PLVAP: variants seen among roughly 807,000 people sequenced by gnomAD.
PLVAP encodes the protein plasmalemma vesicle associated protein.
PLVAP carries 34 observed loss-of-function variants against 43.1 expected under a neutral mutation model. That is an observed-to-expected ratio of 0.79 (90% confidence interval 0.60 to 1.05). PLVAP has a LOEUF of 1.05. PLVAP is among the 50% of genes least tolerant of loss of function. PLVAP has a pLI of 0.00. For missense variants in PLVAP, 574 were observed against 593.4 expected (o/e 0.97, Z 0.34); for synonymous variants, 241 against 237.3 (o/e 1.02, Z -0.14).
At chr19:17,368,367 C>T (rs1412189638) in intron 1 of PLVAP, among the ~76,000 whole-genome samples, 1 of 149,250 alleles carries the variant, frequency 6.7e-6, no homozygotes, top group East Asian at 2.0e-4. Context: ...CCACCGCACT[C>T]GGCCGAACTA....
At chr19:17,367,067 C>T (rs990345481) in intron 1 of PLVAP, among the ~76,000 whole-genome samples, 2 of 151,304 alleles carry the variant, frequency 1.3e-5, no homozygotes, top group East Asian at 1.9e-4. Flanking sequence ...ATCAGTCTCC[C>T]GAGGAGCTAG....
chr19:17,353,295 T>C (rs912681638), intron 5 of PLVAP, among the ~76,000 whole-genome samples: 1 of 152,182 alleles, frequency 6.6e-6, no homozygotes, highest in Non-Finnish European at 1.5e-5. Flanking sequence ...CAAGGCTCCA[T>C]CTTTGCTTGA....
At chr19:17,364,735 C>T (rs1253218672) in intron 3 of PLVAP, among the ~76,000 whole-genome samples, 1 of 151,400 alleles carries the variant, frequency 6.6e-6, no homozygotes, top group African/African-American at 2.4e-5. Flanking sequence ...AACCCTAGAC[C>T]CGATATCCAC....
intron 3 of PLVAP, among the ~76,000 whole-genome samples, chr19:17,361,348 A>T (rs2074527751): frequency 6.6e-6 from 1 of 152,150 alleles, no homozygotes; most frequent in South Asian, 2.1e-4. Flanking sequence ...AGACTTGGGG[A>T]CACCACAAGA....
intron 3 of PLVAP, among the ~76,000 whole-genome samples, chr19:17,363,227 G>A (rs756424787): frequency 6.6e-5 from 10 of 151,888 alleles, no homozygotes; most frequent in Non-Finnish European, 1.0e-4. Flanking sequence ...GCAGTGGTGC[G>A]ATCTGGGCTC....
chr19:17,375,416 T>C (rs1337847030), intron 1 of PLVAP, among the ~76,000 whole-genome samples: 1 of 152,128 alleles, frequency 6.6e-6, no homozygotes, highest in African/African-American at 2.4e-5. Context: ...GAATATTATT[T>C]TCAAAATTAT....
chr19:17,372,520 A>ATG lies in PLVAP; in HGVS notation c.369+4399_369+4400insCA, dbSNP rs1568377219. 8.8e-4 allele frequency among the ~76,000 whole-genome samples: 132 copies of ATG among 149,850 alleles called. 1 individual carries two copies. In the East Asian group the frequency reaches 0.025, roughly 29 times the overall value. ...CGCCCAGGCTGGAGTGCAGTGGCGCAATCTCGGCTCACTGCAAGCTCCGCC... is the reference window on the plus strand; with the variant it reads ...CGCCCAGGCTGGAGTGCAGTGGCGCATGATCTCGGCTCACTGCAAGCTCCGCC... On this transcript the variant is annotated intron_variant, in intron 1 of 5. Coordinates refer to ENST00000252590, the MANE Select transcript of PLVAP (RefSeq NM_031310.3).
chr19:17,360,825 G>A lies in PLVAP; in HGVS notation c.1187C>T (p.Pro396Leu), dbSNP rs117691659. ...LDTCIKTKSQPMMPVSRPMGP... is the reference protein window; with the variant it reads ...LDTCIKTKSQLMMPVSRPMGP... The stretch of plus-strand genomic sequence containing the variant: ...CATGGGCCTTGACACTGGCATCATC[G>A]GCTGCGACTGTGAAAGAAAGATGGA... The change falls in exon 4 of 6, where the codon CCG (proline) becomes CTG (leucine). Residue 396 changes from proline to leucine, a missense_variant. Pro to Leu is a moderately conservative substitution (Grantham distance 98, BLOSUM62 -3). Coordinates refer to ENST00000252590, the MANE Select transcript of PLVAP (RefSeq NM_031310.3). 7.8e-3 allele frequency: 12,609 copies of A among 1,613,628 alleles called. 149 individuals are homozygous for A. The highest frequency in any genetic ancestry group is 0.053 in the Admixed American group (3,157 of 60,004).
intron 1 of PLVAP, among the ~76,000 whole-genome samples, chr19:17,375,624 G>A (rs1375171890): frequency 6.6e-6 from 1 of 151,956 alleles, no homozygotes; most frequent in African/African-American, 2.4e-5. Context: ...GCTCATGCCT[G>A]TAATCCCAGC....
At chr19:17,370,232 T>G (rs1047165850) in intron 1 of PLVAP, among the ~76,000 whole-genome samples, 1 of 152,066 alleles carries the variant, frequency 6.6e-6, no homozygotes, top group African/African-American at 2.4e-5. Flanking sequence ...TTTGGGAAAG[T>G]CTGGCAGTTC....
intron 5 of PLVAP, among the ~76,000 whole-genome samples, chr19:17,353,073 G>T (rs1277972052): frequency 6.6e-6 from 1 of 152,230 alleles, no homozygotes; most frequent in East Asian, 1.9e-4. Flanking sequence ...TTCCTGCGAG[G>T]GGTCAGGGGT....
At chr19:17,366,539 A>G (rs1433035164) in intron 1 of PLVAP, among the ~76,000 whole-genome samples, 1 of 152,238 alleles carries the variant, frequency 6.6e-6, no homozygotes, top group Non-Finnish European at 1.5e-5. Context: ...ACTACTATCC[A>G]GAAATAAAAA....
chr19:17,369,635 C>CA (rs35419530), intron 1 of PLVAP, among the ~76,000 whole-genome samples: 17 of 124,430 alleles, frequency 1.4e-4, no homozygotes, highest in South Asian at 2.6e-4. Context: ...ACTCTATGTC[C>CA]AAAAAAAAAA....
intron 1 of PLVAP, among the ~76,000 whole-genome samples, chr19:17,373,065 CAAAAAAAAA>C (rs59152541): frequency 3.3e-4 from 15 of 45,694 alleles, no homozygotes; most frequent in South Asian, 2.6e-3. Context: ...GACTCTGTCT[CAAAAAAAAA>C]AAAAAAAAAA....
In PLVAP at chr19:17,376,994, T is replaced by C. The variant is rs1437325736; in HGVS notation, c.295A>G (p.Met99Val). 6 of 1,614,118 alleles carry C rather than the reference T, an allele frequency of 3.7e-6. No individual in the cohort carries two copies. The highest frequency in any genetic ancestry group is 3.4e-6 in the Non-Finnish European group (4 of 1,180,016). The change falls in exon 1 of 6, where the codon ATG becomes GTG. Residue 99 changes from methionine to valine, a missense_variant. By Grantham distance (21) the Met-to-Val change is conservative (BLOSUM62 1). Transcript: ENST00000252590. ...NFTTRAKDAI[M>V]QMWLNARRDL... Reference sequence around the variant, plus strand: ...CGGCGAGCATTCAGCCACATCTGCATGATGGCATCCTTGGCGCGGGTGGTG... The same window carrying C: ...CGGCGAGCATTCAGCCACATCTGCACGATGGCATCCTTGGCGCGGGTGGTG...
chr19:17,373,131 G>GGTT (rs879447153), intron 1 of PLVAP, among the ~76,000 whole-genome samples: 1 of 100,520 alleles, frequency 9.9e-6, no homozygotes, highest in Non-Finnish European at 2.6e-5. Context: ...TCAGGTCTGA[G>GGTT]AGGGGAGGCA....
intron 5 of PLVAP, among the ~76,000 whole-genome samples, chr19:17,355,263 A>AT (rs1457064966): frequency 5.6e-5 from 8 of 142,330 alleles, no homozygotes; most frequent in Admixed American, 2.9e-4. Context: ...AATAATAATA[A>AT]AATAAATAAT....
Position 17,366,016 on chromosome 19 carries a change from A to AGGAGACCC in PLVAP, c.467-26_467-19dup. ...GAGCAAGGCTAAGGAAAACAGGACCAGGAGACCCAGGAAGATTGGGGGCTG... is the reference window on the plus strand; with the variant it reads ...GAGCAAGGCTAAGGAAAACAGGACCAGGAGACCCGGAGACCCAGGAAGATTGGGGGCTG... On this transcript the variant is annotated intron_variant, in intron 2 of 5. Coordinates refer to ENST00000252590, the MANE Select transcript of PLVAP (RefSeq NM_031310.3). 6.2e-7 allele frequency: 1 copy of AGGAGACCC among 1,611,664 alleles called. No individual in the cohort carries two copies. Among genetic ancestry groups the AGGAGACCC allele is most frequent in the Non-Finnish European group, 8.5e-7 (1 of 1,178,170 alleles).
At chr19:17,356,988 T>A (rs1227248566) in intron 5 of PLVAP, among the ~76,000 whole-genome samples, 2 of 148,440 alleles carry the variant, frequency 1.3e-5, no homozygotes, top group African/African-American at 5.0e-5. Context: ...GAAGAAGAAG[T>A]AAGAGTGGAG....
Sources: allele counts gnomAD v4.1 joint callset (sites outside exome capture counted in the v4.1 genomes callset), GRCh38; gene constraint gnomAD v4.1.1; transcripts MANE v1.5; gene names NCBI Gene and HGNC (gene_info 2026-07-23, HGNC 2026-07-21).